SELENON: variants seen among roughly 807,000 people sequenced by gnomAD.
SELENON encodes the protein selenoprotein N.
Under a neutral mutation model 59.5 loss-of-function variants are expected in SELENON, and 44 were observed. The observed-to-expected ratio is 0.74, with a 90% CI of 0.58 to 0.95. The LOEUF is 0.95. Ranked by LOEUF, SELENON falls within the 40% of genes least tolerant of loss-of-function variation. SELENON has a pLI of 0.00. For missense variants in SELENON, 674 were observed against 721.4 expected (o/e 0.93, Z 0.75); for synonymous variants, 320 against 305.6 (o/e 1.05, Z -0.49).
At chr1:25,808,531 C>T in intron 4 of SELENON, 49 bp from the exon 4 acceptor site, 1 of 1,605,668 alleles carries the variant, frequency 6.2e-7, no homozygotes, top group Non-Finnish European at 8.5e-7. Flanking sequence ...ACAGGAGACC[C>T]CGGAGTCAGG....
chr1:25,810,224 G>T (rs1187646200), intron 7 of SELENON, among the ~76,000 whole-genome samples: 3 of 152,212 alleles, frequency 2.0e-5, no homozygotes, highest in Admixed American at 6.5e-5. Context: ...GAAGAAAAAG[G>T]TCATCTCAGC....
At chr1:25,814,396 C>T (rs777897612) in intron 12 of SELENON, among the ~76,000 whole-genome samples, 5 of 152,226 alleles carry the variant, frequency 3.3e-5, no homozygotes, top group Non-Finnish European at 5.9e-5. Flanking sequence ...TCGGGGGCTG[C>T]GCAGCAGTGA....
At chr1:25,802,238 C>T (rs2047867076) in intron 3 of SELENON, 2 of 160,320 alleles carry the variant, frequency 1.2e-5, no homozygotes, top group East Asian at 3.7e-4. Flanking sequence ...GATCCTCTTA[C>T]CTTGGCCTCC....
intron 3 of SELENON, among the ~76,000 whole-genome samples, chr1:25,803,708 G>GT (rs11410896): frequency 0.64 from 95,222 of 149,720 alleles, 31,325 homozygotes; most frequent in African/African-American, 0.8. Context: ...TGTTTTTTTT[G>GT]TTTTTTTGTT....
Position 25,815,954 on chromosome 1 carries a change from C to T in SELENON, c.*236C>T. On this transcript the variant is annotated 3_prime_UTR_variant, in exon 13 of 13. Transcript: ENST00000361547. ...TAGCTCTGACTGTCACTCGGCTCTC[C>T]CTACCCATTTGGCTCTGGAAGCTGC... The T allele has an allele frequency of 1.8e-6, 1 of 550,112 alleles. No homozygotes were observed. Among genetic ancestry groups the T allele is most frequent in the South Asian group, 2.0e-5 (1 of 49,126 alleles). 34.1% of individuals were successfully genotyped at this position (550,112 alleles called of 1,614,324 possible). A position where few individuals can be genotyped will look rare whatever the true frequency, so the allele number is the denominator to read the frequency against.
chr1:25,807,223 C>T lies in SELENON; in HGVS notation c.538-1357C>T, dbSNP rs910754016. Among the ~76,000 whole-genome samples the T allele has an allele frequency of 2.0e-5, 3 of 152,122 alleles. No individual in the cohort carries two copies. The highest frequency in any genetic ancestry group is 4.8e-5 in the African/African-American group (2 of 41,416). On this transcript the variant is annotated intron_variant, in intron 4 of 12. Coordinates refer to ENST00000361547, the MANE Select transcript of SELENON (RefSeq NM_020451.3). The surrounding 1 kb of genome is among the most constrained non-coding windows in gnomAD (Gnocchi z 4.5). ...GGAGCTCACAGGGAAGGGCATTGCC[C>T]GTTTTGGGTCCTGTTTACTTGCCGT...
intron 10 of SELENON, 26 bp from the exon 10 acceptor site, chr1:25,813,855 C>T: frequency 1.3e-6 from 2 of 1,587,640 alleles, no homozygotes; most frequent in Non-Finnish European, 1.7e-6. Context: ...TGTGGGGGCG[C>T]CTCACCCTTC....
intron 3 of SELENON, among the ~76,000 whole-genome samples, chr1:25,804,376 G>A (rs1474005315): frequency 6.6e-6 from 1 of 152,134 alleles, no homozygotes. Flanking sequence ...CAAATGCCAG[G>A]CATCATCTCT....
intron 3 of SELENON, 33 bp from the exon 3 acceptor site, chr1:25,805,109 G>A: frequency 1.2e-6 from 2 of 1,611,780 alleles, no homozygotes; most frequent in East Asian, 2.2e-5. Flanking sequence ...TGTAGCATAA[G>A]GGCAGTGCCT....
At chr1:25,801,203 CA>C in intron 2 of SELENON, 43 bp downstream of exon 2, 1 of 1,487,526 alleles carries the variant, frequency 6.7e-7, no homozygotes, top group Non-Finnish European at 9.4e-7. Context: ...GCGCCTTGGC[CA>C]ACGGTGTCTT....
At chr1:25,801,602 G>A (rs1470216112) in intron 2 of SELENON, among the ~76,000 whole-genome samples, 1 of 152,208 alleles carries the variant, frequency 6.6e-6, no homozygotes, top group Non-Finnish European at 1.5e-5. Flanking sequence ...AGAGGTTGCA[G>A]TGAGTTGACA....
chr1:25,803,793 G>A (rs1366142114), intron 3 of SELENON, among the ~76,000 whole-genome samples: 1 of 151,752 alleles, frequency 6.6e-6, no homozygotes, highest in African/African-American at 2.4e-5. Context: ...TGCCTCCCAG[G>A]TTCAAGCAAT....
In SELENON at chr1:25,809,803, C is replaced by T. The variant is rs747352684; in HGVS notation, c.993C>T (p.Leu331=). Residue 331 remains leucine (L), a synonymous_variant, in exon 7 of 13, where the codon CTC becomes CTT. Transcript: ENST00000361547. ...CCACCCACGTCCGCGACTTCCGGCT[C>T]TTCGTGCCCAACCACAGGTGGGAGC... is the stretch of plus-strand genomic sequence containing the variant. The T allele has an allele frequency of 1.2e-6, 2 of 1,613,870 alleles. No homozygotes were observed. The highest frequency in any genetic ancestry group is 1.7e-6 in the Non-Finnish European group (2 of 1,180,034).
rs931416455 is a variant in SELENON at position 25,807,206 on chromosome 1, C to T, written c.538-1374C>T. Among the ~76,000 whole-genome samples, 17 of 152,258 alleles carry T rather than the reference C, an allele frequency of 1.1e-4. No homozygotes were observed. The highest frequency in any genetic ancestry group is 4.1e-4 in the African/African-American group (17 of 41,534). On this transcript the variant is annotated intron_variant, in intron 4 of 12. Transcript: ENST00000361547. The surrounding 1 kb of genome is among the most constrained non-coding windows in gnomAD (Gnocchi z 4.5). The stretch of plus-strand genomic sequence containing the variant: ...GACAGAAATTCCAAGGAGGAGCTCA[C>T]AGGGAAGGGCATTGCCCGTTTTGGG...
At chr1:25,815,037 C>T (rs1324389227) in intron 12 of SELENON, among the ~76,000 whole-genome samples, 1 of 151,974 alleles carries the variant, frequency 6.6e-6, no homozygotes, top group East Asian at 1.9e-4. Context: ...CCAGGCCTCC[C>T]ATTCATATGA....
At position 25,818,143 on chromosome 1, in the gene SELENON, C is replaced by G. The variant is rs1368505251; in HGVS notation, c.*2425C>G. ...CTCGAGGCTCAGGGTGGGAGAGGGC[C>G]CCGGGCTGCCCTGTCACTCCTCTAA... On this transcript the variant is annotated 3_prime_UTR_variant, in exon 13 of 13. Transcript: ENST00000361547. 6.6e-6 allele frequency: 1 copy of G among 152,380 alleles called. No homozygotes were observed. Among genetic ancestry groups the G allele is most frequent in the African/African-American group, 2.4e-5 (1 of 41,440 alleles). 9.4% of individuals were successfully genotyped at this position (152,380 alleles called of 1,614,324 possible).
In SELENON at chr1:25,808,774, G is replaced by A. The variant is rs200765195; in HGVS notation, c.732G>A (p.Pro244=). The change falls in exon 5 of 13, where the codon CCG becomes CCA. Residue 244 remains proline, a synonymous_variant. Transcript: ENST00000361547. ...CCAACAACCGCTTCTATCCACCGCC[G>A]CCCAAGGGCAAGGAGGTGAGGACAG... The A allele has an allele frequency of 1.0e-4, 167 of 1,613,664 alleles. No homozygotes were observed. Among genetic ancestry groups the A allele is most frequent in the South Asian group, 2.3e-4 (21 of 91,094 alleles).
chr1:25,814,025 C>T, intron 11 of SELENON, 32 bp downstream of exon 10: 1 of 1,611,638 alleles, frequency 6.2e-7, no homozygotes, highest in Non-Finnish European at 8.5e-7. Flanking sequence ...ACAGGAGCGT[C>T]CGGAACAGTG....
rs1254800274 is a variant in SELENON at position 25,817,837 on chromosome 1, G to T, written c.*2119G>T. The T allele has an allele frequency of 6.6e-6, 1 of 152,310 alleles. No homozygotes were observed. 9.4% of individuals were successfully genotyped at this position (152,310 alleles called of 1,614,324 possible). A position where few individuals can be genotyped will look rare whatever the true frequency, so the allele number is the denominator to read the frequency against. Reference sequence around the variant, plus strand: ...CTCCCCTCTGACCTCCAGACCAGATGGGGCATGAGCCAGCCAGCTCAGCCA... The same window carrying T: ...CTCCCCTCTGACCTCCAGACCAGATTGGGCATGAGCCAGCCAGCTCAGCCA... On this transcript the variant is annotated 3_prime_UTR_variant, in exon 13 of 13. Transcript: ENST00000361547.
Sources: gnomAD v4.1 joint callset for allele counts (sites outside exome capture counted in the v4.1 genomes callset) on GRCh38, gnomAD v4.1.1 for gene constraint, Gnocchi (gnomAD v3.1) non-coding constraint, MANE v1.5 for transcripts, NCBI Gene and HGNC (gene_info 2026-07-23, HGNC 2026-07-21) for gene names.